The following MEGF8 variants were observed in gnomAD, a reference collection of about 807,000 sequenced individuals.
MEGF8 encodes multiple epidermal growth factor-like domains protein 8.
Under a neutral mutation model 302.9 loss-of-function variants are expected in MEGF8, and 156 were observed. That is an observed-to-expected ratio of 0.52 (90% CI 0.45 to 0.59). The LOEUF is 0.59. MEGF8 is among the 20% of genes least tolerant of loss of function. The pLI is 0.00. For synonymous variants in MEGF8, 1,621 were observed against 1,660.5 expected (o/e 0.98, Z 0.58); for missense variants, 3,345 against 3,964.5 (o/e 0.84, Z 4.20).
Position 42,378,369 on chromosome 19 carries a change from C to T in MEGF8, c.*1594C>T, listed in dbSNP as rs1243001719. 1 of 153,776 alleles carries T rather than the reference C, an allele frequency of 6.5e-6. No individual in the cohort carries two copies. The highest frequency in any genetic ancestry group is 1.9e-4 in the East Asian group (1 of 5,170). 9.5% of individuals were successfully genotyped at this position (153,776 alleles called of 1,614,324 possible). ...AGCCTCAGAGGGGACAAAACCTCTGCCTGAGATCCCACCCCAGGTGGGCAT... is the reference window on the plus strand; with the variant it reads ...AGCCTCAGAGGGGACAAAACCTCTGTCTGAGATCCCACCCCAGGTGGGCAT... On this transcript the variant is annotated 3_prime_UTR_variant, in exon 42 of 42. Coordinates refer to ENST00000251268, the MANE Select transcript of MEGF8 (RefSeq NM_001271938.2).
chr19:42,343,882 G>C (rs2039249375), intron 9 of MEGF8, 72 bp from the exon 10 acceptor site: 1 of 1,548,530 alleles, frequency 6.5e-7, no homozygotes. Context: ...GGACTTGGGA[G>C]GCCGGCCCAG....
Position 42,353,575 on chromosome 19 carries a change from C to T in MEGF8, c.3661C>T (p.Arg1221Cys), listed in dbSNP as rs747638869. 3.4e-5 allele frequency: 55 copies of T among 1,599,726 alleles called. No individual in the cohort carries two copies. Among genetic ancestry groups the T allele is most frequent in the Non-Finnish European group, 3.7e-5 (43 of 1,173,678 alleles). ...CQCNGHGDPR[R>C]GHCDNLSGLC... is the part of the protein sequence containing the mutation. ...GTGCAACGGGCACGGGGACCCACGC[C>T]GTGGCCACTGCGACAACCTCAGTGG... is the stretch of plus-strand genomic sequence containing the variant. Residue 1221 changes from arginine (R) to cysteine (C), a missense_variant, in exon 21 of 42, where the codon CGT (arginine) becomes TGT (cysteine). Arg to Cys is a radical substitution (Grantham distance 180). Coordinates refer to ENST00000251268, the MANE Select transcript of MEGF8 (RefSeq NM_001271938.2). This position sits in a 1 kb window ranked among gnomAD's most constrained non-coding sequence, Gnocchi z 6.1.
chr19:42,342,922 G>A (rs1338867897), intron 8 of MEGF8, among the ~76,000 whole-genome samples: 3 of 152,184 alleles, frequency 2.0e-5, no homozygotes, highest in Non-Finnish European at 4.4e-5. Flanking sequence ...ATGGGCCTGG[G>A]CTAAGGCCTC....
chr19:42,363,004 G>A (rs373412321), intron 34 of MEGF8, 44 bp from the exon 35 acceptor site: 21 of 1,544,768 alleles, frequency 1.4e-5, no homozygotes, highest in African/African-American at 9.5e-5. Context: ...CTGGGCTTGC[G>A]ATCTCCTGGG....
chr19:42,360,901 T>C lies in MEGF8; in HGVS notation c.5615T>C (p.Leu1872Pro), dbSNP rs1206671096. The change falls in exon 32 of 42, where the codon CTG becomes CCG. Residue 1872 changes from leucine (L) to proline (P), a missense_variant. Transcript: ENST00000251268. ...CTGGGCCGCCTGCTGGCACTGACCC[T>C]GCCCCCTGACCCCTGCCGCCTGCTG... The part of the protein sequence containing the change: ...VALGRLLALT[L>P]PPDPCRLLSS... The C allele has an allele frequency of 6.2e-7, 1 of 1,613,370 alleles. No individual in the cohort carries two copies. The highest frequency in any genetic ancestry group is 2.2e-5 in the East Asian group (1 of 44,876).
rs1296787857 is a variant in MEGF8 at position 42,351,486 on chromosome 19, C to A, written c.2913C>A (p.Ser971=). ...ANSSQCAWCQ[S]THTCFLFAAY... ...CTAGCCAGTGCGCCTGGTGCCAGTC[C>A]ACCCACACCTGCTTCCTGTTTGCTG... is the stretch of plus-strand genomic sequence containing the variant. The change falls in exon 17 of 42, where the codon TCC becomes TCA. Residue 971 remains serine (S), a synonymous_variant. Transcript: ENST00000251268. This position sits in a 1 kb window ranked among gnomAD's most constrained non-coding sequence, Gnocchi z 5.6. 2 of 1,604,838 alleles carry A rather than the reference C, an allele frequency of 1.2e-6. No individual in the cohort carries two copies. The highest frequency in any genetic ancestry group is 1.7e-5 in the Admixed American group (1 of 58,716).
intron 12 of MEGF8, among the ~76,000 whole-genome samples, chr19:42,345,730 A>G (rs1370690469): frequency 1.3e-5 from 2 of 152,188 alleles, no homozygotes; most frequent in Non-Finnish European, 2.9e-5. Context: ...TCTTTTGACT[A>G]TTGTGAATAA....
rs768766308 is a variant in MEGF8, at chr19:42,362,187, C to T, written c.5818C>T (p.Arg1940Trp). The T allele has an allele frequency of 1.2e-5, 19 of 1,610,658 alleles. No individual in the cohort carries two copies. Among genetic ancestry groups the T allele is most frequent in the Middle Eastern group, 1.8e-4 (1 of 5,678 alleles). Residue 1940 changes from arginine (R) to tryptophan (W), a missense_variant, in exon 33 of 42, where the codon CGG (arginine) becomes TGG (tryptophan). By Grantham distance (101) the Arg-to-Trp change is moderately radical. Coordinates refer to ENST00000251268, the MANE Select transcript of MEGF8 (RefSeq NM_001271938.2). ...CAGTGAGTGCCTGGCCCGCCATCCT[C>T]GGACCCTGCAACCTGGAGATGGAGA... ...TCSECLARHPRTLQPGDGEAS... is the reference protein window; with the variant it reads ...TCSECLARHPWTLQPGDGEAS...
chr19:42,356,169 C>G lies in MEGF8; in HGVS notation c.4479C>G (p.Thr1493=). ...KLDGGQLVWE[T]LMDSRLSADT... is the part of the protein sequence containing the mutation. ...ATGGCGGGCAGCTGGTCTGGGAGAC[C>G]CTCATGGACAGCCGCCTCTCAGCCG... Residue 1493 remains threonine, a synonymous_variant, in exon 25 of 42, where the codon ACC becomes ACG. Transcript: ENST00000251268. This position sits in a 1 kb window ranked among gnomAD's most constrained non-coding sequence, Gnocchi z 5.2. The G allele has an allele frequency of 6.5e-7, 1 of 1,549,600 alleles. No individual in the cohort carries two copies.
At chr19:42,339,811 C>A (rs2039186977) in intron 8 of MEGF8, among the ~76,000 whole-genome samples, 2 of 152,222 alleles carry the variant, frequency 1.3e-5, no homozygotes, top group South Asian at 4.1e-4. Context: ...GTAATCCCAG[C>A]ACTTTAGGAC....
chr19:42,333,169 C>T (rs1314252149), intron 1 of MEGF8, among the ~76,000 whole-genome samples: 4 of 152,294 alleles, frequency 2.6e-5, no homozygotes, highest in Admixed American at 6.5e-5. Flanking sequence ...GGTGGTGTCA[C>T]GGAGGTGCTC....
At chr19:42,328,214 G>A (rs532918296) in intron 1 of MEGF8, among the ~76,000 whole-genome samples, 1 of 152,348 alleles carries the variant, frequency 6.6e-6, no homozygotes, top group East Asian at 1.9e-4. Flanking sequence ...GGGTGAAAGA[G>A]AAGTTGAAAG....
rs973657767 is a variant in MEGF8, at chr19:42,377,173, T to C, written c.*398T>C. Reference sequence around the variant, plus strand: ...GTGAGGCCTCCAGAGGATGTGGCAGTGAGGGACGATGGGGTGAAGTCAGCT... The same window carrying C: ...GTGAGGCCTCCAGAGGATGTGGCAGCGAGGGACGATGGGGTGAAGTCAGCT... On this transcript the variant is annotated 3_prime_UTR_variant, in exon 42 of 42. Transcript: ENST00000251268. The C allele has an allele frequency of 4.8e-5, 9 of 185,968 alleles. No homozygotes were observed. Among genetic ancestry groups the C allele is most frequent in the Non-Finnish European group, 8.8e-5 (8 of 91,054 alleles). 11.5% of individuals were successfully genotyped at this position (185,968 alleles called of 1,614,324 possible). A position where few individuals can be genotyped will look rare whatever the true frequency, so the allele number is the denominator to read the frequency against.
At position 42,351,850 on chromosome 19, in the gene MEGF8, C is replaced by T. The variant is rs1030579731; in HGVS notation, c.3101+89C>T. ...CTAATGGCCTCTTTGCTTCTCTGCC[C>T]TCTTGCCCATCCCATGGCCACCTTC... is the stretch of plus-strand genomic sequence containing the variant. On this transcript the variant is annotated intron_variant, in intron 18 of 41. Transcript: ENST00000251268. The surrounding 1 kb of genome is among the most constrained non-coding windows in gnomAD (Gnocchi z 5.6). 24 of 1,131,036 alleles carry T rather than the reference C, an allele frequency of 2.1e-5. No homozygotes were observed. The highest frequency in any genetic ancestry group is 2.7e-4 in the Middle Eastern group (1 of 3,684). 70.1% of individuals were successfully genotyped at this position (1,131,036 alleles called of 1,614,324 possible).
rs545368166 is a variant in MEGF8 at position 42,353,068 on chromosome 19, G to T, written c.3491G>T (p.Gly1164Val). The stretch of plus-strand genomic sequence containing the variant: ...GCCCCCCGCTGCTCCCGGGACTGTG[G>T]CTGCAGCTTCCACAGCCACTGCCGC... Reference protein sequence around the residue: ...PPAPRCSRDCGCSFHSHCRKR... With the variant: ...PPAPRCSRDCVCSFHSHCRKR... Residue 1164 changes from glycine to valine, a missense_variant, in exon 20 of 42, where the codon GGC becomes GTC. Physicochemically the swap from Gly to Val is moderately radical, Grantham distance 109. Coordinates refer to ENST00000251268, the MANE Select transcript of MEGF8 (RefSeq NM_001271938.2). This position sits in a 1 kb window ranked among gnomAD's most constrained non-coding sequence, Gnocchi z 6.1. The T allele has an allele frequency of 6.5e-7, 1 of 1,549,764 alleles. No homozygotes were observed. The highest frequency in any genetic ancestry group is 1.2e-5 in the South Asian group (1 of 84,010).
In MEGF8 at chr19:42,365,772, T is replaced by TA. The variant is rs771190592; in HGVS notation, c.6273+2536dup. 9.2e-3 allele frequency among the ~76,000 whole-genome samples: 532 copies of TA among 57,646 alleles called. 7 individuals are homozygous for TA. Among genetic ancestry groups the TA allele is most frequent in the Middle Eastern group, 0.03 (3 of 100 alleles). 37.8% of individuals were successfully genotyped at this position (57,646 alleles called of 152,430 possible). On this transcript the variant is annotated intron_variant, in intron 35 of 41. Coordinates refer to ENST00000251268, the MANE Select transcript of MEGF8 (RefSeq NM_001271938.2). ...GGGTGACAGAGCGAGACCCCGTCTC[T>TA]AAAAAAAAAAAAAAAAAAAAAAAAA... is the stretch of plus-strand genomic sequence containing the variant.
At position 42,352,452 on chromosome 19, in the gene MEGF8, C is replaced by T. The variant is rs781355884; in HGVS notation, c.3346C>T (p.Arg1116Cys). Reference sequence around the variant, plus strand: ...GGGTGATGGCATCTCACACTGCAACCGCACGTGAGTGAGGCGGGGGTTGCT... The same window carrying T: ...GGGTGATGGCATCTCACACTGCAACTGCACGTGAGTGAGGCGGGGGTTGCT... ...YQGDGISHCN[R>C]TCLEDCGHGV... The change falls in exon 19 of 42, where the codon CGC becomes TGC. Residue 1116 changes from arginine (R) to cysteine (C), a missense_variant. By Grantham distance (180) the Arg-to-Cys change is radical (BLOSUM62 -3). Transcript: ENST00000251268. The surrounding 1 kb of genome is among the most constrained non-coding windows in gnomAD (Gnocchi z 4.4). The T allele has an allele frequency of 9.4e-6, 15 of 1,590,906 alleles. No individual in the cohort carries two copies. The highest frequency in any genetic ancestry group is 1.3e-5 in the African/African-American group (1 of 74,518).
intron 35 of MEGF8, among the ~76,000 whole-genome samples, chr19:42,365,136 TG>T (rs2039585873): frequency 6.6e-6 from 1 of 152,196 alleles, no homozygotes; most frequent in Non-Finnish European, 1.5e-5. Context: ...TCTCCAAGCC[TG>T]GGATCCTAAT....
chr19:42,335,439 C>T (rs1219890714), intron 5 of MEGF8, 54 bp downstream of exon 5: 12 of 1,544,694 alleles, frequency 7.8e-6, no homozygotes, highest in Admixed American at 3.4e-5. Context: ...CAGACCCAGC[C>T]GGGGACCCCC....
Sources: gnomAD v4.1 joint callset for allele counts (sites outside exome capture counted in the v4.1 genomes callset) on GRCh38, gnomAD v4.1.1 for gene constraint, Gnocchi (gnomAD v3.1) non-coding constraint, MANE v1.5 for transcripts, NCBI Gene and HGNC (gene_info 2026-07-23, HGNC 2026-07-21) for gene names.